The following KLHL1 variants were observed in gnomAD, a reference collection of about 807,000 sequenced individuals.
KLHL1 encodes kelch like family member 1.
In KLHL1, 47 loss-of-function variants were observed where a neutral mutation model predicts 77.7. The ratio of observed to expected loss-of-function variants is 0.60; its 90% CI spans 0.48 to 0.77. The LOEUF (loss-of-function observed/expected upper bound fraction) is 0.77, where lower values mean the gene tolerates loss of function less well. Ranked by LOEUF, KLHL1 falls within the 30% of genes least tolerant of loss-of-function variation. KLHL1 has a pLI of 0.00. For synonymous variants in KLHL1, 360 were observed against 325.2 expected, an observed-to-expected ratio of 1.11 and a Z score of -1.15; for missense variants, 925 against 910.8, an observed-to-expected ratio of 1.02 and a Z score of -0.20.
intron 1 of KLHL1, among the ~76,000 whole-genome samples, chr13:70,005,667 T>C (rs1350953935): frequency 6.6e-6 from 1 of 151,982 alleles, no homozygotes. Flanking sequence ...TAGAAACAAA[T>C]GTATTGCTTA....
chr13:70,088,194 A>G (rs61964248), intron 1 of KLHL1, among the ~76,000 whole-genome samples: 10,184 of 152,196 alleles, frequency 0.067, 547 homozygotes, highest in East Asian at 0.3. Context: ...GGATTGATAA[A>G]TACAAAATTG....
At chr13:69,710,583 A>G (rs1486943750) in intron 9 of KLHL1, among the ~76,000 whole-genome samples, 2 of 152,094 alleles carry the variant, frequency 1.3e-5, no homozygotes, top group African/African-American at 4.8e-5. Flanking sequence ...TGTTCTCAAA[A>G]TGATGACTTT....
chr13:69,940,755 G>T (rs372322167), intron 3 of KLHL1, among the ~76,000 whole-genome samples: 11 of 48,938 alleles, frequency 2.2e-4, no homozygotes, highest in South Asian at 5.9e-4. Context: ...TTTTTTCTTT[G>T]TTTTTGTTTC....
At chr13:69,901,858 C>G (rs993268968) in intron 4 of KLHL1, among the ~76,000 whole-genome samples, 2 of 137,604 alleles carry the variant, frequency 1.5e-5, no homozygotes, top group African/African-American at 2.7e-5. Flanking sequence ...AGTGCAATGG[C>G]GCCATCTTGG....
intron 1 of KLHL1, among the ~76,000 whole-genome samples, chr13:70,095,222 A>G (rs9572368): frequency 0.22 from 32,853 of 152,036 alleles, 3,760 homozygotes; most frequent in Admixed American, 0.27. Flanking sequence ...CCTCTATAAA[A>G]GAGGCTTTTG....
intron 7 of KLHL1, among the ~76,000 whole-genome samples, chr13:69,751,921 T>A (rs201753394): frequency 2.6e-5 from 4 of 151,290 alleles, no homozygotes; most frequent in East Asian, 2.0e-4. Flanking sequence ...TAAGAGGATG[T>A]ATTTCTTTGC....
At chr13:69,768,904 G>A (rs567159108) in intron 7 of KLHL1, among the ~76,000 whole-genome samples, 137 of 152,034 alleles carry the variant, frequency 9.0e-4, no homozygotes, top group Middle Eastern at 3.4e-3. Flanking sequence ...TTAATGTTTC[G>A]ATTTATGATT....
chr13:69,825,168 A>T (rs1341065975), intron 6 of KLHL1, among the ~76,000 whole-genome samples: 1 of 152,150 alleles, frequency 6.6e-6, no homozygotes, highest in Non-Finnish European at 1.5e-5. Context: ...TTGATAAAAT[A>T]AACATGACTA....
At chr13:69,737,361 G>A (rs937190481) in intron 8 of KLHL1, among the ~76,000 whole-genome samples, 8 of 152,202 alleles carry the variant, frequency 5.3e-5, no homozygotes, top group Non-Finnish European at 8.8e-5. Context: ...GTCCACTCCC[G>A]TGGGAAGGAG....
At chr13:70,083,533 G>C (rs950048957) in intron 1 of KLHL1, among the ~76,000 whole-genome samples, 1 of 152,052 alleles carries the variant, frequency 6.6e-6, no homozygotes, top group East Asian at 1.9e-4. Flanking sequence ...ATTAATTTTA[G>C]ACTTTGTAGA....
intron 5 of KLHL1, among the ~76,000 whole-genome samples, chr13:69,845,160 C>G (rs753071765): frequency 6.6e-6 from 1 of 151,648 alleles, no homozygotes; most frequent in East Asian, 1.9e-4. Flanking sequence ...CCAGGCCAAG[C>G]TCTGGAATCA....
intron 5 of KLHL1, among the ~76,000 whole-genome samples, chr13:69,858,822 G>T (rs149853152): frequency 6.6e-6 from 1 of 151,998 alleles, no homozygotes; most frequent in South Asian, 2.1e-4. Flanking sequence ...GCATGGAAAA[G>T]AGTAAGGCTA....
chr13:70,068,486 TGGCACATATTTGA>T (rs61765952), intron 1 of KLHL1, among the ~76,000 whole-genome samples: 46,649 of 152,120 alleles, frequency 0.31, 7,475 homozygotes, highest in African/African-American at 0.4. Flanking sequence ...TCTTATACAG[TGGCACATATTTGA>T]GTTTCAGACC....
intron 2 of KLHL1, among the ~76,000 whole-genome samples, chr13:69,969,094 A>G (rs1477061246): frequency 6.6e-6 from 1 of 152,078 alleles, no homozygotes; most frequent in Non-Finnish European, 1.5e-5. Flanking sequence ...TTTATCTGCT[A>G]TGTATTTTAT....
At chr13:69,813,237 C>T (rs1023267330) in intron 6 of KLHL1, among the ~76,000 whole-genome samples, 1 of 151,788 alleles carries the variant, frequency 6.6e-6, no homozygotes, top group African/African-American at 2.4e-5. Flanking sequence ...AAAAAACAAA[C>T]ACCGCATGTT....
At chr13:69,735,207 G>T (rs932527317) in intron 8 of KLHL1, among the ~76,000 whole-genome samples, 2 of 151,692 alleles carry the variant, frequency 1.3e-5, no homozygotes, top group East Asian at 3.9e-4. Flanking sequence ...CACTATGGAA[G>T]CTACAGACAA....
intron 4 of KLHL1, among the ~76,000 whole-genome samples, chr13:69,921,936 T>A (rs1456559241): frequency 6.7e-6 from 1 of 149,786 alleles, no homozygotes; most frequent in East Asian, 1.9e-4. Context: ...TTTTTTTTTT[T>A]TTTTTTTAAA....
At chr13:69,752,645 G>T (rs1218753036) in intron 7 of KLHL1, among the ~76,000 whole-genome samples, 2 of 152,142 alleles carry the variant, frequency 1.3e-5, no homozygotes, top group East Asian at 3.9e-4. Context: ...GGTAAGTGCT[G>T]TAGGGCTTAC....
At chr13:69,909,428 C>A (rs1414476886) in intron 4 of KLHL1, among the ~76,000 whole-genome samples, 1 of 151,528 alleles carries the variant, frequency 6.6e-6, no homozygotes, top group East Asian at 1.9e-4. Context: ...GCTAAAACTG[C>A]AAATATTTGA....
Sources: allele counts gnomAD v4.1 joint callset (sites outside exome capture counted in the v4.1 genomes callset), GRCh38; gene constraint gnomAD v4.1.1; transcripts MANE v1.5; gene names NCBI Gene and HGNC (gene_info 2026-07-23, HGNC 2026-07-21).